EHMT1: variants seen among roughly 807,000 people sequenced by gnomAD.
EHMT1 encodes histone-lysine N-methyltransferase EHMT1.
A neutral mutation model predicts 147.2 loss-of-function variants in EHMT1; 15 were observed. The ratio of observed to expected loss-of-function variants is 0.10; its 90% CI spans 0.07 to 0.16. EHMT1 has a LOEUF of 0.16. EHMT1 is among the 10% of genes least tolerant of loss of function. The pLI is 1.00. For missense variants in EHMT1, 1,587 were observed against 1,772.4 expected (o/e 0.90, Z 1.88); for synonymous variants, 795 against 709.6 (o/e 1.12, Z -1.91).
In EHMT1 at chr9:137,828,699, G is replaced by A. The variant is rs1238575312; in HGVS notation, c.3541-5650G>A. Among the ~76,000 whole-genome samples the A allele has an allele frequency of 5.9e-5, 9 of 152,114 alleles. No individual in the cohort carries two copies. The highest frequency in any genetic ancestry group is 1.3e-4 in the Non-Finnish European group (9 of 68,024). On this transcript the variant is annotated intron_variant, in intron 25 of 26. Coordinates refer to ENST00000460843, the MANE Select transcript of EHMT1 (RefSeq NM_024757.5). The surrounding 1 kb of genome is among the most constrained non-coding windows in gnomAD (Gnocchi z 5.3). Reference sequence around the variant, plus strand: ...GGGTGGGAGGAGGGTTATTTTTAACGCACTGCACTAGAGCATCTCTAAGGC... The same window carrying A: ...GGGTGGGAGGAGGGTTATTTTTAACACACTGCACTAGAGCATCTCTAAGGC...
Position 137,715,447 on chromosome 9 carries a change from G to A in EHMT1, c.86-1179G>A, listed in dbSNP as rs558556517. 81 of 783,668 alleles carry A rather than the reference G, an allele frequency of 1.0e-4. 1 individual carries two copies. Among genetic ancestry groups the A allele is most frequent in the Admixed American group, 6.9e-4 (11 of 16,008 alleles). The allele number at this position is 783,668 out of a possible 1,614,324, so 48.5% of individuals were successfully genotyped here. A position where few individuals can be genotyped will look rare whatever the true frequency, so the allele number is the denominator to read the frequency against. On this transcript the variant is annotated intron_variant, in intron 2 of 26. Transcript: ENST00000460843. ...GGCATTTGCGCTCATAGGACTTAAC[G>A]TCCTCGGGTGGAAGGACAGACGGCC... is the stretch of plus-strand genomic sequence containing the variant.
chr9:137,711,169 C>T, intron 2 of EHMT1, 139 bp downstream of exon 2: 1 of 817,262 alleles, frequency 1.2e-6, no homozygotes. Context: ...TCTAATCTAT[C>T]CCATTCCTAA....
intron 18 of EHMT1, among the ~76,000 whole-genome samples, chr9:137,803,766 G>A (rs1251583898): frequency 2.6e-5 from 4 of 151,238 alleles, no homozygotes; most frequent in South Asian, 2.1e-4. Flanking sequence ...TGGGAAGATC[G>A]CTTGAGCCCA....
At chr9:137,666,696 C>T (rs1007633511) in intron 1 of EHMT1, among the ~76,000 whole-genome samples, 4 of 152,220 alleles carry the variant, frequency 2.6e-5, no homozygotes, top group Admixed American at 2.6e-4. Context: ...GTGTAGTCCC[C>T]GTCCACACGT....
At chr9:137,808,838 G>T (rs1334504434) in intron 18 of EHMT1, among the ~76,000 whole-genome samples, 1 of 152,128 alleles carries the variant, frequency 6.6e-6, no homozygotes, top group Non-Finnish European at 1.5e-5. Context: ...CACGAGAATC[G>T]CTTGAACCCC....
Position 137,782,554 on chromosome 9 carries a change from G to A in EHMT1, c.2382+157G>A, listed in dbSNP as rs190817660. Among the ~76,000 whole-genome samples the A allele has an allele frequency of 2.4e-4, 36 of 152,322 alleles. No homozygotes were observed. The highest frequency in any genetic ancestry group is 4.7e-4 in the Non-Finnish European group (32 of 68,036). The stretch of plus-strand genomic sequence containing the variant: ...GCTTTTCTGCCCCCGAGTCCTGCAG[G>A]TGGATCAGTGCTTCCCGCTGTTTCT... On this transcript the variant is annotated intron_variant, in intron 15 of 26. Transcript: ENST00000460843. This position sits in a 1 kb window ranked among gnomAD's most constrained non-coding sequence, Gnocchi z 5.7.
At chr9:137,702,309 C>T (rs186920191) in intron 1 of EHMT1, among the ~76,000 whole-genome samples, 1 of 152,286 alleles carries the variant, frequency 6.6e-6, no homozygotes. Flanking sequence ...AAGGTAAGTC[C>T]CTTCTGCCTA....
chr9:137,694,655 C>G (rs1943247950), intron 1 of EHMT1, among the ~76,000 whole-genome samples: 1 of 152,242 alleles, frequency 6.6e-6, no homozygotes, highest in Non-Finnish European at 1.5e-5. Context: ...TAAGTCTCCA[C>G]AGGGCTGTGC....
intron 1 of EHMT1, among the ~76,000 whole-genome samples, chr9:137,698,998 A>T (rs1330828474): frequency 6.6e-6 from 1 of 150,764 alleles, no homozygotes; most frequent in Non-Finnish European, 1.5e-5. Context: ...CGCACTGGGA[A>T]CCTCACCTGC....
At chr9:137,826,720 C>T (rs549076678) in intron 25 of EHMT1, among the ~76,000 whole-genome samples, 9 of 152,182 alleles carry the variant, frequency 5.9e-5, no homozygotes, top group African/African-American at 1.4e-4. Context: ...GCTGGGGCTT[C>T]GAAACCACCT....
chr9:137,768,414 C>G (rs1185745680), intron 10 of EHMT1, among the ~76,000 whole-genome samples: 1 of 140,182 alleles, frequency 7.1e-6, no homozygotes, highest in Admixed American at 7.8e-5. Context: ...AGTGCAGTGG[C>G]AGGATCTCGG....
In EHMT1 at chr9:137,834,316, A is replaced by G. The variant is rs770695571; in HGVS notation, c.3541-33A>G. On this transcript the variant is annotated intron_variant, in intron 25 of 26. Coordinates refer to ENST00000460843, the MANE Select transcript of EHMT1 (RefSeq NM_024757.5). ...GAGGCCGGCGTGTCGGGGCCTTGCT[A>G]ACTGCAGCCCGTGCCGGCTTCTCGC... 3.1e-6 allele frequency: 5 copies of G among 1,610,172 alleles called. No individual in the cohort carries two copies. The African/African-American group carries it at 5.4e-5, about 17-fold the overall frequency.
chr9:137,722,310 C>T (rs188230592), intron 3 of EHMT1, among the ~76,000 whole-genome samples: 7 of 152,286 alleles, frequency 4.6e-5, no homozygotes, highest in Admixed American at 2.6e-4. Context: ...TTTAAGTGAT[C>T]GCTTTTTTCT....
Position 137,775,250 on chromosome 9 carries a change from G to A in EHMT1, c.1789G>A (p.Ala597Thr). The A allele has an allele frequency of 6.2e-7, 1 of 1,610,590 alleles. No individual in the cohort carries two copies. Among genetic ancestry groups the A allele is most frequent in the Non-Finnish European group, 8.5e-7 (1 of 1,179,880 alleles). Residue 597 changes from alanine (A) to threonine (T), a missense_variant and splice_region_variant, in exon 11 of 27, where the codon GCG becomes ACG. Coordinates refer to ENST00000460843, the MANE Select transcript of EHMT1 (RefSeq NM_024757.5). This position sits in a 1 kb window ranked among gnomAD's most constrained non-coding sequence, Gnocchi z 6.1. ...TCCTGGCTGTGGCTACTTCTGCACA[G>A]CGGTAAGAGCCCAGTCCGGCAGCCT... is the stretch of plus-strand genomic sequence containing the variant. ...CCPGCGYFCT[A>T]GNFMECQPES...
chr9:137,768,528 T>C (rs1158317438), intron 10 of EHMT1, among the ~76,000 whole-genome samples: 4 of 64,816 alleles, frequency 6.2e-5, no homozygotes, highest in Admixed American at 2.0e-4. Flanking sequence ...TAATTTTTTG[T>C]ATTTTTTTTT....
intron 8 of EHMT1, among the ~76,000 whole-genome samples, chr9:137,757,545 C>G (rs568521161): frequency 1.3e-5 from 2 of 152,298 alleles, no homozygotes; most frequent in African/African-American, 4.8e-5. Context: ...ATGTTTTTAT[C>G]TGTTTCTTTG....
intron 1 of EHMT1, among the ~76,000 whole-genome samples, chr9:137,704,594 C>T (rs1248833280): frequency 6.6e-6 from 1 of 152,080 alleles, no homozygotes; most frequent in Non-Finnish European, 1.5e-5. Context: ...TCACCCCATT[C>T]CCCTTTAGTT....
chr9:137,669,668 C>T (rs979564282), intron 1 of EHMT1, among the ~76,000 whole-genome samples: 3 of 151,838 alleles, frequency 2.0e-5, no homozygotes, highest in Admixed American at 6.6e-5. Context: ...CATTCATTGC[C>T]TTTAGTACAC....
chr9:137,793,969 A>G (rs1370228444), intron 16 of EHMT1, among the ~76,000 whole-genome samples: 1 of 152,214 alleles, frequency 6.6e-6, no homozygotes, highest in Non-Finnish European at 1.5e-5. Flanking sequence ...AATGTGTTTA[A>G]TGCCACAAAA....
Sources: gnomAD v4.1 joint callset for allele counts (sites outside exome capture counted in the v4.1 genomes callset) on GRCh38, gnomAD v4.1.1 for gene constraint, Gnocchi (gnomAD v3.1) non-coding constraint, MANE v1.5 for transcripts, NCBI Gene and HGNC (gene_info 2026-07-23, HGNC 2026-07-21) for gene names.